The following FAH variants were observed in gnomAD, a reference collection of about 807,000 sequenced individuals.
FAH encodes the protein fumarylacetoacetase.
A neutral mutation model predicts 55.8 loss-of-function variants in FAH; 47 were observed. The ratio of observed to expected loss-of-function variants is 0.84; its 90% CI spans 0.67 to 1.07. The LOEUF is 1.07. Ranked by LOEUF, FAH falls within the 50% of genes least tolerant of loss-of-function variation. The pLI is 0.00. For synonymous variants in FAH, 199 were observed against 207.7 expected, an observed-to-expected ratio of 0.96 and a Z score of 0.36; for missense variants, 495 against 545.9, an observed-to-expected ratio of 0.91 and a Z score of 0.93.
intron 2 of FAH, among the ~76,000 whole-genome samples, chr15:80,158,663 C>A (rs1760863885): frequency 6.6e-6 from 1 of 152,220 alleles, no homozygotes; most frequent in African/African-American, 2.4e-5. Context: ...ATAGCATCTT[C>A]TCATTGCATG....
upstream of FAH, chr15:80,152,989 G>T (rs1418569581): frequency 2.8e-6 from 4 of 1,440,270 alleles, no homozygotes; most frequent in African/African-American, 5.6e-5. Flanking sequence ...TGACCACAGC[G>T]GCCGAGTTCA....
At chr15:80,168,228 A>G (rs781689824) in intron 6 of FAH, 36 bp from the exon 7 acceptor site, 4 of 1,603,332 alleles carry the variant, frequency 2.5e-6, no homozygotes, top group Non-Finnish European at 3.4e-6. Flanking sequence ...CCTCACTCAC[A>G]GCACCGTTTT....
At chr15:80,153,976 GCTT>G (rs1163219078) in intron 1 of FAH, among the ~76,000 whole-genome samples, 1 of 152,158 alleles carries the variant, frequency 6.6e-6, no homozygotes, top group Non-Finnish European at 1.5e-5. Flanking sequence ...CTGGCAGTTG[GCTT>G]CTTCTTGGAA....
intron 7 of FAH, among the ~76,000 whole-genome samples, chr15:80,171,787 C>T (rs1426747046): frequency 6.6e-6 from 1 of 152,146 alleles, no homozygotes; most frequent in African/African-American, 2.4e-5. Context: ...TGAATACAAA[C>T]CCTGATAGTT....
intron 13 of FAH, among the ~76,000 whole-genome samples, chr15:80,183,243 C>T (rs1257850846): frequency 1.3e-5 from 2 of 152,092 alleles, no homozygotes; most frequent in African/African-American, 2.4e-5. Flanking sequence ...GGCAAAATCC[C>T]CTGGAACCAA....
chr15:80,162,270 C>A lies in FAH; in HGVS notation c.389C>A (p.Ser130Tyr), dbSNP rs1429062186. 1.2e-6 allele frequency: 2 copies of A among 1,614,166 alleles called. No homozygotes were observed. Among genetic ancestry groups the A allele is most frequent in the Non-Finnish European group, 1.7e-6 (2 of 1,180,002 alleles). Residue 130 changes from serine (S) to tyrosine (Y), a missense_variant, in exon 5 of 14, where the codon TCT (serine) becomes TAT (tyrosine). Transcript: ENST00000561421. ...TIGDYTDFYS[S>Y]RQHATNVGIM... ...GGAGACTACACAGACTTCTATTCCT[C>A]TCGGCAGCATGCTACCAACGTCGGA...
At chr15:80,185,373 G>T (rs889070677) in intron 13 of FAH, among the ~76,000 whole-genome samples, 1 of 152,216 alleles carries the variant, frequency 6.6e-6, no homozygotes, top group African/African-American at 2.4e-5. Flanking sequence ...AAGAAACTGA[G>T]GTCTAGAGGG....
intron 10 of FAH, among the ~76,000 whole-genome samples, chr15:80,175,415 C>T (rs550683538): frequency 7.2e-5 from 11 of 152,148 alleles, no homozygotes; most frequent in Non-Finnish European, 1.5e-4. Flanking sequence ...GCTCACATAT[C>T]GCCACTGACC....
intron 1 of FAH, among the ~76,000 whole-genome samples, chr15:80,153,945 A>C (rs1409217507): frequency 6.6e-6 from 1 of 152,118 alleles, no homozygotes; most frequent in Non-Finnish European, 1.5e-5. Flanking sequence ...AGAATCAGGA[A>C]ATGTTTGCTA....
Position 80,181,025 on chromosome 15 carries a change from C to T in FAH, c.1063-17C>T, listed in dbSNP as rs758498056. On this transcript the variant is annotated splice_polypyrimidine_tract_variant and intron_variant, in intron 12 of 13. Transcript: ENST00000561421. ...CATAAATTCATGTTATTCTTTCTTC[C>T]CTTTCCTGTGATGAAGGAGCCAGAA... 2 of 1,591,424 alleles carry T rather than the reference C, an allele frequency of 1.3e-6. No individual in the cohort carries two copies. Among genetic ancestry groups the T allele is most frequent in the South Asian group, 2.2e-5 (2 of 90,406 alleles).
At chr15:80,158,201 C>A in intron 2 of FAH, 31 bp downstream of exon 2, 1 of 1,451,272 alleles carries the variant, frequency 6.9e-7, no homozygotes, top group Non-Finnish European at 9.7e-7. Flanking sequence ...TTGTCCCTGA[C>A]CTCAGTGGCA....
rs757937974 is a variant in FAH at position 80,158,040 on chromosome 15, C to G, written c.82-20C>G. ...AGCCAGGGGCTTTTTCTGGTGCTGA[C>G]GGTGTCGTCTTCCTCCTAGCCAAGA... On this transcript the variant is annotated intron_variant, in intron 1 of 13. Coordinates refer to ENST00000561421, the MANE Select transcript of FAH (RefSeq NM_000137.4). The G allele has an allele frequency of 3.8e-6, 6 of 1,584,588 alleles. No individual in the cohort carries two copies. Among genetic ancestry groups the G allele is most frequent in the South Asian group, 1.1e-5 (1 of 90,504 alleles).
intron 13 of FAH, among the ~76,000 whole-genome samples, chr15:80,185,434 C>T (rs1000029228): frequency 2.6e-5 from 4 of 152,220 alleles, no homozygotes; most frequent in Non-Finnish European, 5.9e-5. Flanking sequence ...TGACCTCAGG[C>T]ATTCTGGCTT....
At position 80,153,736 on chromosome 15, in the gene FAH, C is replaced by T. The variant is rs143323972; in HGVS notation, c.81+601C>T. On this transcript the variant is annotated intron_variant, in intron 1 of 13. Transcript: ENST00000561421. ...AGAAGAAAGAGGGCAGGGAAACAAA[C>T]TTTGACTAAGTCAGTGTAGTCTGAT... 1.4e-3 allele frequency among the ~76,000 whole-genome samples: 206 copies of T among 152,262 alleles called. 3 individuals are homozygous for T. The highest frequency in any genetic ancestry group is 4.7e-3 in the African/African-American group (196 of 41,548).
At chr15:80,175,827 A>G (rs2041278811) in intron 10 of FAH, among the ~76,000 whole-genome samples, 1 of 152,160 alleles carries the variant, frequency 6.6e-6, no homozygotes, top group African/African-American at 2.4e-5. Flanking sequence ...TGTTGTGAGG[A>G]CCAAACATGT....
intron 7 of FAH, among the ~76,000 whole-genome samples, chr15:80,171,071 T>C (rs1014729048): frequency 7.9e-5 from 12 of 151,790 alleles, no homozygotes; most frequent in African/African-American, 2.9e-4. Flanking sequence ...AAAATTTATT[T>C]TTTATTTTTT....
intron 2 of FAH, among the ~76,000 whole-genome samples, chr15:80,158,969 G>A (rs903508598): frequency 3.9e-5 from 6 of 151,964 alleles, no homozygotes; most frequent in Non-Finnish European, 5.9e-5. Flanking sequence ...AAAACCTCTC[G>A]GCTCACGCCT....
chr15:80,177,352 G>C, intron 10 of FAH, 185 bp from the exon 11 acceptor site: 1 of 634,222 alleles, frequency 1.6e-6, no homozygotes, highest in Non-Finnish European at 2.8e-6. Flanking sequence ...GTGATGACTT[G>C]TGTGCATGTA....
Position 80,181,035 on chromosome 15 carries a change from G to A in FAH, c.1063-7G>A. On this transcript the variant is annotated splice_region_variant and splice_polypyrimidine_tract_variant and intron_variant, in intron 12 of 13. Transcript: ENST00000561421. ...TGTTATTCTTTCTTCCCTTTCCTGT[G>A]ATGAAGGAGCCAGAAAACTTCGGCT... 6.2e-7 allele frequency: 1 copy of A among 1,607,152 alleles called. No homozygotes were observed. Among genetic ancestry groups the A allele is most frequent in the Non-Finnish European group, 8.5e-7 (1 of 1,174,108 alleles).
Sources: gnomAD v4.1 joint callset for allele counts (sites outside exome capture counted in the v4.1 genomes callset) on GRCh38, gnomAD v4.1.1 for gene constraint, MANE v1.5 for transcripts, NCBI Gene and HGNC (gene_info 2026-07-23, HGNC 2026-07-21) for gene names.